The following ZFHX3 variants were observed in gnomAD, a reference collection of about 807,000 sequenced individuals.
The protein encoded by ZFHX3 is zinc finger homeobox protein 3.
Under a neutral mutation model 279.1 loss-of-function variants are expected in ZFHX3, and 42 were observed. The observed-to-expected ratio is 0.15, with a 90% CI of 0.12 to 0.19. The LOEUF is 0.19. Among genes scored for constraint, ZFHX3 ranks in the 10% least tolerant of loss-of-function variants. ZFHX3 has a pLI of 1.00. For missense variants in ZFHX3, 4,981 were observed against 4,754.0 expected, an observed-to-expected ratio of 1.05 and a Z score of -1.40; for synonymous variants, 2,293 against 1,957.8, an observed-to-expected ratio of 1.17 and a Z score of -4.52.
intron 1 of ZFHX3, among the ~76,000 whole-genome samples, chr16:73,823,428 A>G (rs1960808734): frequency 1.3e-5 from 2 of 152,220 alleles, no homozygotes. Context: ...ACAGCCAGAC[A>G]GAATAAAGCA....
intron 3 of ZFHX3, among the ~76,000 whole-genome samples, chr16:73,337,889 T>TTCC (rs2015944478): frequency 3.3e-5 from 1 of 30,688 alleles, no homozygotes; most frequent in East Asian, 4.3e-4. Flanking sequence ...CATCTTCCCT[T>TTCC]GGCGGGGGGG....
intron 2 of ZFHX3, among the ~76,000 whole-genome samples, chr16:73,464,902 A>G (rs2018537278): frequency 6.6e-6 from 1 of 152,166 alleles, no homozygotes; most frequent in Non-Finnish European, 1.5e-5. Context: ...GATGTTGTAC[A>G]GGTCCCTTGG....
chr16:72,921,995 G>C (rs992209009), intron 3 of ZFHX3, among the ~76,000 whole-genome samples: 1 of 152,202 alleles, frequency 6.6e-6, no homozygotes, highest in African/African-American at 2.4e-5. Context: ...AAACTCCTTG[G>C]AGAAACATCT....
At chr16:73,334,124 C>A (rs1346173460) in intron 3 of ZFHX3, among the ~76,000 whole-genome samples, 2 of 152,090 alleles carry the variant, frequency 1.3e-5, no homozygotes, top group Admixed American at 1.3e-4. Flanking sequence ...AAGGTCTGCC[C>A]CAAAGGCAGC....
chr16:73,133,634 G>C (rs1168401081), intron 6 of ZFHX3, among the ~76,000 whole-genome samples: 1 of 152,174 alleles, frequency 6.6e-6, no homozygotes, highest in Non-Finnish European at 1.5e-5. Flanking sequence ...GAAGAAACCA[G>C]TCCTGCCAAC....
intron 5 of ZFHX3, among the ~76,000 whole-genome samples, chr16:73,237,057 C>T (rs571013503): frequency 2.7e-4 from 41 of 152,236 alleles, no homozygotes; most frequent in African/African-American, 7.7e-4. Context: ...GTGATATCGG[C>T]GAGACAGATA....
intron 1 of ZFHX3, among the ~76,000 whole-genome samples, chr16:73,702,978 A>T (rs1387416057): frequency 6.6e-6 from 1 of 152,152 alleles, no homozygotes; most frequent in Non-Finnish European, 1.5e-5. Context: ...GGCTCAGTAG[A>T]GGCAGCGATG....
intron 3 of ZFHX3, among the ~76,000 whole-genome samples, chr16:73,404,234 C>A (rs1007728828): frequency 6.6e-6 from 1 of 152,118 alleles, no homozygotes; most frequent in Non-Finnish European, 1.5e-5. Context: ...CAAGGCTGGA[C>A]TGTAGCCTCT....
chr16:73,460,891 A>T (rs2018459747), intron 2 of ZFHX3, among the ~76,000 whole-genome samples: 1 of 152,068 alleles, frequency 6.6e-6, no homozygotes, highest in Admixed American at 6.5e-5. Flanking sequence ...TTCCAACGTG[A>T]TTGTAAGTTT....
chr16:73,415,120 GT>G (rs2017545764), intron 3 of ZFHX3, among the ~76,000 whole-genome samples: 2 of 152,156 alleles, frequency 1.3e-5, no homozygotes, highest in South Asian at 4.1e-4. Context: ...TTCTCTCTCA[GT>G]TTTTTATTTT....
chr16:73,319,338 C>T (rs944573736), intron 3 of ZFHX3, among the ~76,000 whole-genome samples: 2 of 151,836 alleles, frequency 1.3e-5, no homozygotes, highest in African/African-American at 4.8e-5. Flanking sequence ...TTTCAACATC[C>T]CCACTCTCGC....
intron 4 of ZFHX3, among the ~76,000 whole-genome samples, chr16:73,304,018 T>G (rs1169516742): frequency 6.6e-6 from 1 of 150,780 alleles, no homozygotes; most frequent in South Asian, 2.1e-4. Context: ...TCTCTCTGTG[T>G]TGTGTATCCT....
chr16:73,880,374 G>A (rs1042037687), intron 1 of ZFHX3, among the ~76,000 whole-genome samples: 2 of 152,114 alleles, frequency 1.3e-5, no homozygotes, highest in African/African-American at 2.4e-5. Flanking sequence ...ATCTTTAAAT[G>A]AGAACTCTTT....
intron 3 of ZFHX3, among the ~76,000 whole-genome samples, chr16:73,395,369 T>G (rs1018223780): frequency 6.6e-6 from 1 of 151,778 alleles, no homozygotes; most frequent in African/African-American, 2.4e-5. Flanking sequence ...GAGGCTGAGG[T>G]AGGAGAATCA....
At chr16:73,763,270 A>G (rs1240052462) in intron 1 of ZFHX3, among the ~76,000 whole-genome samples, 2 of 152,224 alleles carry the variant, frequency 1.3e-5, no homozygotes, top group Non-Finnish European at 2.9e-5. Flanking sequence ...GTCTTACCAA[A>G]TCTTTAAAAG....
At chr16:72,836,886 G>T (rs973900158) in intron 4 of ZFHX3, among the ~76,000 whole-genome samples, 3 of 152,154 alleles carry the variant, frequency 2.0e-5, no homozygotes, top group African/African-American at 7.2e-5. Context: ...GGAGAAAGCA[G>T]GCAGGGGCTC....
chr16:73,228,075 CG>C (rs1567423812), intron 5 of ZFHX3, among the ~76,000 whole-genome samples: 1 of 152,060 alleles, frequency 6.6e-6, no homozygotes, highest in Admixed American at 6.6e-5. Flanking sequence ...GACTTTAGCA[CG>C]TAGTGCCATC....
intron 5 of ZFHX3, among the ~76,000 whole-genome samples, chr16:73,200,582 C>T (rs146579242): frequency 7.4e-4 from 113 of 152,198 alleles, no homozygotes; most frequent in Middle Eastern, 3.4e-3. Flanking sequence ...CTGAAAAAAC[C>T]GATAAATGTC....
intron 3 of ZFHX3, among the ~76,000 whole-genome samples, chr16:73,422,036 C>T (rs1405794184): frequency 1.3e-5 from 2 of 152,196 alleles, no homozygotes; most frequent in Non-Finnish European, 1.5e-5. Flanking sequence ...TACATTTCCT[C>T]TACCACGCTT....
Sources: allele counts gnomAD v4.1 joint callset (sites outside exome capture counted in the v4.1 genomes callset), GRCh38; gene constraint gnomAD v4.1.1; transcripts MANE v1.5; gene names NCBI Gene and HGNC (gene_info 2026-07-23, HGNC 2026-07-21).